MPP7: variants seen among roughly 807,000 people sequenced by gnomAD.
The protein encoded by MPP7 is MAGUK p55 scaffold protein 7.
In MPP7, 60 loss-of-function variants were observed where a neutral mutation model predicts 76.5. The ratio of observed to expected loss-of-function variants is 0.78; its 90% CI spans 0.64 to 0.97. MPP7 has a LOEUF of 0.97. Ranked by LOEUF, MPP7 falls within the 50% of genes least tolerant of loss-of-function variation. The pLI, the probability that MPP7 is intolerant of heterozygous loss-of-function variation, is 0.00. For missense variants in MPP7, 641 were observed against 694.0 expected (o/e 0.92, Z 0.86); for synonymous variants, 237 against 244.5 (o/e 0.97, Z 0.29).
At chr10:28,244,688 CAA>C (rs1344861313) in intron 1 of MPP7, among the ~76,000 whole-genome samples, 1 of 152,054 alleles carries the variant, frequency 6.6e-6, no homozygotes, top group Non-Finnish European at 1.5e-5. Flanking sequence ...AGAAAGGAAA[CAA>C]GAGAACATGC....
intron 1 of MPP7, among the ~76,000 whole-genome samples, chr10:28,265,608 T>C (rs771544603): frequency 5.3e-5 from 8 of 152,182 alleles, no homozygotes; most frequent in African/African-American, 9.7e-5. Flanking sequence ...AATTCCACTT[T>C]GAAACTCTTT....
intron 3 of MPP7, among the ~76,000 whole-genome samples, chr10:28,192,910 A>G (rs1837456149): frequency 6.6e-6 from 1 of 152,230 alleles, no homozygotes; most frequent in Non-Finnish European, 1.5e-5. Context: ...GTGTTGATGA[A>G]AGTATAAACA....
At chr10:28,262,231 A>ATTTTTTTTTTTTTTTTTTT (rs1839997342) in intron 1 of MPP7, among the ~76,000 whole-genome samples, 1 of 75,134 alleles carries the variant, frequency 1.3e-5, no homozygotes, top group African/African-American at 7.2e-5. Flanking sequence ...ATATACATAT[A>ATTTTTTTTTTTTTTTTTTT]TATATATATA....
chr10:28,195,862 T>G (rs957765313), intron 3 of MPP7, among the ~76,000 whole-genome samples: 2 of 152,224 alleles, frequency 1.3e-5, no homozygotes, highest in Non-Finnish European at 2.9e-5. Flanking sequence ...AAATTGATTT[T>G]GGCAATGGTT....
chr10:28,134,527 G>GT (rs1213135568), intron 5 of MPP7, among the ~76,000 whole-genome samples: 1 of 152,122 alleles, frequency 6.6e-6, no homozygotes, highest in African/African-American at 2.4e-5. Flanking sequence ...CTCAATAAAT[G>GT]TTTTTTTCCT....
intron 2 of MPP7, among the ~76,000 whole-genome samples, chr10:28,309,220 C>T (rs1406724863): frequency 1.3e-5 from 2 of 152,102 alleles, no homozygotes; most frequent in East Asian, 3.9e-4. Context: ...TCAAGACCAG[C>T]CCGGCCAACA....
intron 2 of MPP7, among the ~76,000 whole-genome samples, chr10:28,235,576 A>G (rs1310135005): frequency 6.6e-6 from 1 of 152,206 alleles, no homozygotes; most frequent in Non-Finnish European, 1.5e-5. Context: ...ACTACATGAA[A>G]AAATAAAATC....
chr10:28,114,453 A>G (rs1272627981), intron 11 of MPP7, among the ~76,000 whole-genome samples: 1 of 151,916 alleles, frequency 6.6e-6, no homozygotes, highest in Non-Finnish European at 1.5e-5. Flanking sequence ...AGAAAGATAA[A>G]TGTGCTGTCT....
rs181559621 is a variant in MPP7, at chr10:28,179,863, T to C, written c.156+22290A>G. On this transcript the variant is annotated intron_variant, in intron 3 of 16. Transcript: ENST00000683449. Reference sequence around the variant, plus strand: ...TTACCATCTGTATAATTTATAACATTCCAATTTAAACAAATGAAATTCACA... The same window carrying C: ...TTACCATCTGTATAATTTATAACATCCCAATTTAAACAAATGAAATTCACA... 3.9e-5 allele frequency among the ~76,000 whole-genome samples: 6 copies of C among 152,304 alleles called. No individual in the cohort carries two copies. In the East Asian group the frequency reaches 9.6e-4, roughly 24 times the overall value.
intron 12 of MPP7, among the ~76,000 whole-genome samples, chr10:28,086,334 GA>G (rs1402680167): frequency 1.3e-5 from 2 of 151,988 alleles, no homozygotes; most frequent in East Asian, 3.9e-4. Context: ...AACAATGAAA[GA>G]AAAAAAGCAA....
At chr10:28,278,966 G>A (rs1011754771) in intron 1 of MPP7, among the ~76,000 whole-genome samples, 10 of 151,966 alleles carry the variant, frequency 6.6e-5, no homozygotes, top group African/African-American at 2.4e-4. Context: ...GCCTAATGAA[G>A]ATATCACATG....
intron 1 of MPP7, among the ~76,000 whole-genome samples, chr10:28,288,309 G>T (rs1840833762): frequency 6.6e-6 from 1 of 152,060 alleles, no homozygotes; most frequent in Admixed American, 6.5e-5. Context: ...GTGTGATCAT[G>T]GTACACTGCA....
chr10:28,138,927 G>T (rs1182728761), intron 5 of MPP7, among the ~76,000 whole-genome samples: 1 of 152,170 alleles, frequency 6.6e-6, no homozygotes, highest in African/African-American at 2.4e-5. Context: ...AGTGCTATGT[G>T]CTAGAAACAA....
chr10:28,073,771 GA>G (rs550793121), intron 12 of MPP7, among the ~76,000 whole-genome samples: 76 of 148,984 alleles, frequency 5.1e-4, no homozygotes, highest in South Asian at 2.6e-3. Context: ...TGCATCTCAA[GA>G]AAAAAAAAAT....
chr10:28,249,535 G>A (rs1357181504), intron 1 of MPP7, among the ~76,000 whole-genome samples: 2 of 152,194 alleles, frequency 1.3e-5, no homozygotes, highest in Non-Finnish European at 2.9e-5. Context: ...GGTGTAGTGA[G>A]CTGAGATCCA....
At chr10:28,187,563 G>C (rs1837278147) in intron 3 of MPP7, among the ~76,000 whole-genome samples, 1 of 152,156 alleles carries the variant, frequency 6.6e-6, no homozygotes, top group South Asian at 2.1e-4. Context: ...TGATATGTCA[G>C]AGGCAAGTAA....
intron 3 of MPP7, among the ~76,000 whole-genome samples, chr10:28,185,085 T>C (rs547045803): frequency 1.6e-4 from 23 of 148,072 alleles, no homozygotes; most frequent in African/African-American, 5.1e-4. Context: ...TCCCAGCACT[T>C]TGGGAGGCTG....
At chr10:28,249,643 G>A (rs758808309) in intron 1 of MPP7, among the ~76,000 whole-genome samples, 8 of 152,072 alleles carry the variant, frequency 5.3e-5, no homozygotes, top group South Asian at 2.1e-4. Flanking sequence ...CCTTTTCCCC[G>A]AGTAAGCAGA....
chr10:28,324,200 C>A (rs1834390944), intron 2 of MPP7, among the ~76,000 whole-genome samples: 1 of 152,028 alleles, frequency 6.6e-6, no homozygotes, highest in Non-Finnish European at 1.5e-5. Flanking sequence ...GTGAAAGAGG[C>A]CCCAGAAAGC....
Sources: gnomAD v4.1 joint callset for allele counts (sites outside exome capture counted in the v4.1 genomes callset) on GRCh38, gnomAD v4.1.1 for gene constraint, MANE v1.5 for transcripts, NCBI Gene and HGNC (gene_info 2026-07-23, HGNC 2026-07-21) for gene names.